The following AKNAD1 variants were observed in gnomAD, a reference collection of about 807,000 sequenced individuals.
The protein encoded by AKNAD1 is protein AKNAD1.
AKNAD1 carries 67 observed loss-of-function variants against 90.8 expected under a neutral mutation model. That is an observed-to-expected ratio of 0.74 (90% CI 0.61 to 0.90). The LOEUF (loss-of-function observed/expected upper bound fraction) is 0.90. Ranked by LOEUF, AKNAD1 falls within the 40% of genes least tolerant of loss-of-function variation. AKNAD1 has a pLI of 0.00. For synonymous variants in AKNAD1, 327 were observed against 341.4 expected (o/e 0.96, Z 0.46); for missense variants, 957 against 975.4 (o/e 0.98, Z 0.25).
At chr1:108,823,179 C>T (rs1306994378) in intron 13 of AKNAD1, 191 bp downstream of exon 13, 3 of 720,664 alleles carry the variant, frequency 4.2e-6, no homozygotes, top group Admixed American at 2.0e-5. Flanking sequence ...TTTTCCAGCC[C>T]CAGCTCAGCC....
chr1:108,855,271 GGC>G (rs1355534009), intron 1 of AKNAD1, among the ~76,000 whole-genome samples: 2 of 152,056 alleles, frequency 1.3e-5, no homozygotes, highest in Middle Eastern at 3.2e-3. Flanking sequence ...AAATTAGCTG[GGC>G]GTGGTGGCGC....
chr1:108,855,219 C>T (rs1475562304), intron 1 of AKNAD1, among the ~76,000 whole-genome samples: 1 of 150,942 alleles, frequency 6.6e-6, no homozygotes, highest in Non-Finnish European at 1.5e-5. Context: ...GGAGGCCATC[C>T]TGGCCAACAT....
intron 6 of AKNAD1, among the ~76,000 whole-genome samples, chr1:108,838,001 G>C (rs1311384075): frequency 6.6e-6 from 1 of 152,118 alleles, no homozygotes; most frequent in Non-Finnish European, 1.5e-5. Context: ...ATCTGGATTT[G>C]ATGATTTTGA....
chr1:108,847,777 G>A (rs1664743713), intron 5 of AKNAD1, among the ~76,000 whole-genome samples: 1 of 152,146 alleles, frequency 6.6e-6, no homozygotes, highest in Non-Finnish European at 1.5e-5. Context: ...CCCCTCACTG[G>A]CAAAGGTGAG....
At position 108,839,673 on chromosome 1, in the gene AKNAD1, T is replaced by A. The variant is rs191955968; in HGVS notation, c.1380-1967A>T. 2.8e-4 allele frequency among the ~76,000 whole-genome samples: 43 copies of A among 152,316 alleles called. No homozygotes were observed. The East Asian group carries it at 7.9e-3, about 28-fold the overall frequency. ...TAGGAATAGAAGAAAACTCTCTTGA[T>A]GAAGCTTATCTATTTGAATCATACT... On this transcript the variant is annotated intron_variant, in intron 6 of 15. Coordinates refer to ENST00000370001, the MANE Select transcript of AKNAD1 (RefSeq NM_152763.5).
Position 108,815,932 on chromosome 1 carries a change from G to A in AKNAD1, c.*239C>T, listed in dbSNP as rs1410782306. ...TTTGATTTCTTTTATTATGAGTTAA[G>A]AAGAACATAGATTTATTTTAAAATA... On this transcript the variant is annotated 3_prime_UTR_variant, in exon 16 of 16. Coordinates refer to ENST00000370001, the MANE Select transcript of AKNAD1 (RefSeq NM_152763.5). 3.7e-6 allele frequency: 1 copy of A among 268,826 alleles called. No homozygotes were observed. Among genetic ancestry groups the A allele is most frequent in the Non-Finnish European group, 6.8e-6 (1 of 146,362 alleles). 16.7% of individuals were successfully genotyped at this position (268,826 alleles called of 1,614,324 possible). A position where few individuals can be genotyped will look rare whatever the true frequency, so the allele number is the denominator to read the frequency against.
At chr1:108,850,185 T>C (rs1265697471) in intron 2 of AKNAD1, among the ~76,000 whole-genome samples, 1 of 152,216 alleles carries the variant, frequency 6.6e-6, no homozygotes, top group Non-Finnish European at 1.5e-5. Flanking sequence ...GGGTCTTTCC[T>C]TTGTTCCCAA....
chr1:108,843,051 C>T, intron 6 of AKNAD1, 83 bp downstream of exon 6: 1 of 1,544,358 alleles, frequency 6.5e-7, no homozygotes, highest in Non-Finnish European at 8.8e-7. Flanking sequence ...TCTCCAAGCA[C>T]TAAGCCAGCA....
intron 1 of AKNAD1, among the ~76,000 whole-genome samples, chr1:108,853,023 T>C (rs1219444723): frequency 6.6e-6 from 1 of 152,078 alleles, no homozygotes; most frequent in East Asian, 1.9e-4. Context: ...GACATTAGTC[T>C]ACAGTTAATG....
rs1570822295 is a variant in AKNAD1, at chr1:108,845,771, C to G, written c.1246-2504G>C. Among the ~76,000 whole-genome samples the G allele has an allele frequency of 2.0e-5, 3 of 152,132 alleles. No homozygotes were observed. In the Middle Eastern group the frequency reaches 0.01, roughly 517 times the overall value. On this transcript the variant is annotated intron_variant, in intron 5 of 15. Coordinates refer to ENST00000370001, the MANE Select transcript of AKNAD1 (RefSeq NM_152763.5). Reference sequence around the variant, plus strand: ...CAGGCTCGAAGATATTGATGTTGGACAAGGTAGAGTTTGCAGTGAGGGTGG... The same window carrying G: ...CAGGCTCGAAGATATTGATGTTGGAGAAGGTAGAGTTTGCAGTGAGGGTGG...
intron 14 of AKNAD1, among the ~76,000 whole-genome samples, chr1:108,820,065 C>T (rs1250105588): frequency 6.6e-6 from 1 of 152,150 alleles, no homozygotes; most frequent in Non-Finnish European, 1.5e-5. Context: ...TGCTCCACTG[C>T]CGCTCCCTCT....
At chr1:108,826,740 T>TC (rs1380279543) in intron 11 of AKNAD1, among the ~76,000 whole-genome samples, 6 of 108,480 alleles carry the variant, frequency 5.5e-5, no homozygotes, top group African/African-American at 2.0e-4. Context: ...TCTTTTCTTT[T>TC]TCTTTTTTTT....
At chr1:108,825,322 G>A (rs10857968) in intron 11 of AKNAD1, among the ~76,000 whole-genome samples, 70,966 of 151,332 alleles carry the variant, frequency 0.47, 17,536 homozygotes, top group Non-Finnish European at 0.52. Context: ...TTGTTACACA[G>A]CTATAGATAG....
intron 5 of AKNAD1, among the ~76,000 whole-genome samples, chr1:108,845,258 G>A (rs528478647): frequency 1.4e-4 from 21 of 152,298 alleles, no homozygotes; most frequent in Admixed American, 1.1e-3. Context: ...ACCTTTAATG[G>A]ACTGCACCAC....
At position 108,835,131 on chromosome 1, in the gene AKNAD1, C is replaced by G; in HGVS notation, c.1537-75G>C. 2.0e-6 allele frequency: 3 copies of G among 1,501,386 alleles called. No homozygotes were observed. The South Asian group carries it at 3.9e-5, about 20-fold the overall frequency. The allele number at this position is 1,501,386 out of a possible 1,614,324, so 93.0% of individuals were successfully genotyped here. ...AGGTGACTCAAAATCAGTTCAGCAT[C>G]CCTACAGCACCCCTAAGGCACCATA... On this transcript the variant is annotated intron_variant, in intron 7 of 15. Transcript: ENST00000370001.
Position 108,830,773 on chromosome 1 carries a change from C to A in AKNAD1, c.1747-123G>T, listed in dbSNP as rs532774240. The A allele has an allele frequency of 1.2e-5, 10 of 828,278 alleles. 1 individual carries two copies. The highest frequency in any genetic ancestry group is 1.2e-4 in the South Asian group (8 of 67,428). The allele number at this position is 828,278 out of a possible 1,614,324, so 51.3% of individuals were successfully genotyped here. A position where few individuals can be genotyped will look rare whatever the true frequency, so the allele number is the denominator to read the frequency against. The stretch of plus-strand genomic sequence containing the variant: ...ACTTGCCACCTCAGGCAGAGAGACT[C>A]GCCAAACCTCTCCTCCAGTTGGGGA... On this transcript the variant is annotated intron_variant, in intron 9 of 15. Coordinates refer to ENST00000370001, the MANE Select transcript of AKNAD1 (RefSeq NM_152763.5).
chr1:108,844,350 G>A (rs889325805), intron 5 of AKNAD1, among the ~76,000 whole-genome samples: 5 of 149,514 alleles, frequency 3.3e-5, no homozygotes, highest in African/African-American at 7.5e-5. Context: ...GCAACAGAGC[G>A]AGACTCCATC....
intron 11 of AKNAD1, among the ~76,000 whole-genome samples, chr1:108,824,524 G>A (rs983091415): frequency 3.3e-5 from 5 of 151,630 alleles, no homozygotes; most frequent in Non-Finnish European, 5.9e-5. Flanking sequence ...ATTAGCAAAT[G>A]GAATGAGTTT....
intron 14 of AKNAD1, among the ~76,000 whole-genome samples, chr1:108,819,247 T>G (rs1341166633): frequency 6.6e-6 from 1 of 152,192 alleles, no homozygotes; most frequent in African/African-American, 2.4e-5. Flanking sequence ...TTAACTCCTC[T>G]AATTCGTTTC....
Sources: allele counts gnomAD v4.1 joint callset (sites outside exome capture counted in the v4.1 genomes callset), GRCh38; gene constraint gnomAD v4.1.1; transcripts MANE v1.5; gene names NCBI Gene and HGNC (gene_info 2026-07-23, HGNC 2026-07-21).